TRIB2: variants seen among roughly 807,000 people sequenced by gnomAD.
TRIB2 encodes tribbles pseudokinase 2.
A neutral mutation model predicts 26.8 loss-of-function variants in TRIB2; 2 were observed. That is an observed-to-expected ratio of 0.07 (90% CI 0.03 to 0.24). TRIB2 has a LOEUF of 0.24. Ranked by LOEUF, TRIB2 falls within the 10% of genes least tolerant of loss-of-function variation. TRIB2 has a pLI of 1.00. For synonymous variants in TRIB2, 189 were observed against 187.3 expected (o/e 1.01, Z -0.08); for missense variants, 306 against 449.0 (o/e 0.68, Z 2.88).
chr2:12,729,413 G>A (rs1432528894), intron 2 of TRIB2, among the ~76,000 whole-genome samples: 1 of 152,218 alleles, frequency 6.6e-6, no homozygotes, highest in Non-Finnish European at 1.5e-5. Context: ...GCAGGGGTAA[G>A]TAGAGTATTG....
At position 12,718,460 on chromosome 2, in the gene TRIB2, T is replaced by C; in HGVS notation, c.153T>C (p.Thr51=). Residue 51 remains threonine (T), a synonymous_variant, in exon 1 of 3, where the codon ACT becomes ACC. Coordinates refer to ENST00000155926, the MANE Select transcript of TRIB2 (RefSeq NM_021643.4). The surrounding 1 kb of genome is among the most constrained non-coding windows in gnomAD (Gnocchi z 4.0). ...TCGGCTCCCCGAGCCCGCCCGAGAC[T>C]CCGAACTTGTCGCATTGCGTTTCTT... ...PNLGSPSPPE[T]PNLSHCVSCI... 1.2e-6 allele frequency: 2 copies of C among 1,614,204 alleles called. No homozygotes were observed. The highest frequency in any genetic ancestry group is 8.5e-7 in the Non-Finnish European group (1 of 1,180,024).
rs1661623587 is a variant in TRIB2 at position 12,738,128 on chromosome 2, T to G, written c.564-2198T>G. 2.6e-5 allele frequency among the ~76,000 whole-genome samples: 4 copies of G among 152,320 alleles called. No individual in the cohort carries two copies. In the South Asian group the frequency reaches 8.3e-4, roughly 32 times the overall value. On this transcript the variant is annotated intron_variant, in intron 2 of 2. Coordinates refer to ENST00000155926, the MANE Select transcript of TRIB2 (RefSeq NM_021643.4). The stretch of plus-strand genomic sequence containing the variant: ...GTCAACCCAGGATTTCACTAAACCT[T>G]TTGCTGTAGAGAACTCCCAGCAGCA...
chr2:12,719,362 A>T (rs1421033043), intron 1 of TRIB2, among the ~76,000 whole-genome samples: 1 of 152,008 alleles, frequency 6.6e-6, no homozygotes, highest in Non-Finnish European at 1.5e-5. Context: ...TGCGATGGAC[A>T]CTTCGGTTTC....
At position 12,740,292 on chromosome 2, in the gene TRIB2, C is replaced by A. The variant is rs772434910; in HGVS notation, c.564-34C>A. 7 of 1,598,320 alleles carry A rather than the reference C, an allele frequency of 4.4e-6. No homozygotes were observed. The Admixed American group carries it at 5.1e-5, about 12-fold the overall frequency. ...CTGGTGGTAACGTGTCTCTGAGCAC[C>A]CTCAGGAGCTTATGTTTTCCTCCTT... On this transcript the variant is annotated intron_variant, in intron 2 of 2. Coordinates refer to ENST00000155926, the MANE Select transcript of TRIB2 (RefSeq NM_021643.4). The surrounding 1 kb of genome is among the most constrained non-coding windows in gnomAD (Gnocchi z 5.8).
chr2:12,718,148 T>C lies in TRIB2; in HGVS notation c.-160T>C. 5 of 1,047,230 alleles carry C rather than the reference T, an allele frequency of 4.8e-6. No homozygotes were observed. The highest frequency in any genetic ancestry group is 6.7e-6 in the Non-Finnish European group (5 of 748,978). The allele number at this position is 1,047,230 out of a possible 1,614,324, so 64.9% of individuals were successfully genotyped here. A position where few individuals can be genotyped will look rare whatever the true frequency, so the allele number is the denominator to read the frequency against. On this transcript the variant is annotated 5_prime_UTR_variant, in exon 1 of 3. Transcript: ENST00000155926. The surrounding 1 kb of genome is among the most constrained non-coding windows in gnomAD (Gnocchi z 4.0). ...GACGAGGTATCCGGCGGCGCCCATT[T>C]GGGGGCTTCTAACTCTTTCTCCACG...
intron 2 of TRIB2, among the ~76,000 whole-genome samples, chr2:12,735,091 A>G (rs1432994127): frequency 6.6e-6 from 1 of 151,202 alleles, no homozygotes; most frequent in East Asian, 1.9e-4. Flanking sequence ...CGCCTGTCAG[A>G]CCTCCCTCCA....
At chr2:12,726,784 T>C (rs1386890195) in intron 2 of TRIB2, among the ~76,000 whole-genome samples, 1 of 152,230 alleles carries the variant, frequency 6.6e-6, no homozygotes, top group East Asian at 1.9e-4. Flanking sequence ...TCTTGAACTC[T>C]GGTGATCTGG....
chr2:12,723,215 C>G (rs760389021), intron 1 of TRIB2, 45 bp from the exon 2 acceptor site: 1 of 1,577,040 alleles, frequency 6.3e-7, no homozygotes, highest in Non-Finnish European at 8.6e-7. Context: ...TTTGGTTGTA[C>G]AAGAGGCACC....
intron 2 of TRIB2, among the ~76,000 whole-genome samples, chr2:12,733,204 T>C (rs1383723896): frequency 6.6e-6 from 1 of 152,216 alleles, no homozygotes; most frequent in Non-Finnish European, 1.5e-5. Flanking sequence ...ACATCTACTT[T>C]CTGTTACCTC....
rs1558313620 is a variant in TRIB2, at chr2:12,718,357, C to T, written c.50C>T (p.Ser17Leu). ...ATCACAATAGCGAGATATGGGAGAT[C>T]GCGGAACAAAACCCAGGATTTCGAA... is the stretch of plus-strand genomic sequence containing the variant. The part of the protein sequence containing the change: ...TPITIARYGR[S>L]RNKTQDFEEL... Residue 17 changes from serine to leucine, a missense_variant, in exon 1 of 3, where the codon TCG becomes TTG. By Grantham distance (145) the Ser-to-Leu change is moderately radical. Coordinates refer to ENST00000155926, the MANE Select transcript of TRIB2 (RefSeq NM_021643.4). This position sits in a 1 kb window ranked among gnomAD's most constrained non-coding sequence, Gnocchi z 4.0. 6.2e-7 allele frequency: 1 copy of T among 1,614,182 alleles called. No individual in the cohort carries two copies. The highest frequency in any genetic ancestry group is 2.2e-5 in the East Asian group (1 of 44,876).
chr2:12,717,437 G>A lies in TRIB2; in HGVS notation c.-871G>A. On this transcript the variant is annotated 5_prime_UTR_variant, in exon 1 of 3. Transcript: ENST00000155926. The surrounding 1 kb of genome is among the most constrained non-coding windows in gnomAD (Gnocchi z 4.8). The stretch of plus-strand genomic sequence containing the variant: ...CTGCATTCGGAGGAAGACCTGGGGC[G>A]CGAGCGAGCGGCGACAGCATGAGCC... 2.5e-6 allele frequency: 1 copy of A among 398,456 alleles called. No homozygotes were observed. Among genetic ancestry groups the A allele is most frequent in the Non-Finnish European group, 4.4e-6 (1 of 225,968 alleles). 24.7% of individuals were successfully genotyped at this position (398,456 alleles called of 1,614,324 possible). A position where few individuals can be genotyped will look rare whatever the true frequency, so the allele number is the denominator to read the frequency against.
rs1380899889 is a variant in TRIB2, at chr2:12,717,151, AAAG to A, written c.-1153_-1151del. The A allele has an allele frequency of 2.6e-6, 1 of 384,108 alleles. No homozygotes were observed. The highest frequency in any genetic ancestry group is 4.5e-5 in the Admixed American group (1 of 22,256). The allele number at this position is 384,108 out of a possible 1,614,324, so 23.8% of individuals were successfully genotyped here. On this transcript the variant is annotated 5_prime_UTR_variant, in exon 1 of 3. Transcript: ENST00000155926. The surrounding 1 kb of genome is among the most constrained non-coding windows in gnomAD (Gnocchi z 4.8). ...CTCTGGGGGGGGCAAGCAAGAAATCAAAGAAGGAGGAGACAAGCCGTCAATTTT... is the reference window on the plus strand; with the variant it reads ...CTCTGGGGGGGGCAAGCAAGAAATCAAAGGAGGAGACAAGCCGTCAATTTT...
At chr2:12,739,992 G>T (rs1359934580) in intron 2 of TRIB2, among the ~76,000 whole-genome samples, 1 of 152,164 alleles carries the variant, frequency 6.6e-6, no homozygotes, top group Non-Finnish European at 1.5e-5. Flanking sequence ...CTTTGAGAAA[G>T]CTAGTTAATC....
At chr2:12,729,674 C>CCCTTTCT (rs1400570021) in intron 2 of TRIB2, among the ~76,000 whole-genome samples, 1 of 152,130 alleles carries the variant, frequency 6.6e-6, no homozygotes, top group East Asian at 1.9e-4. Flanking sequence ...GGAGAGCTTC[C>CCCTTTCT]TCCAGGTTCC....
At chr2:12,734,586 GC>G in intron 2 of TRIB2, among the ~76,000 whole-genome samples, 1 of 152,050 alleles carries the variant, frequency 6.6e-6, no homozygotes, top group East Asian at 1.9e-4. Flanking sequence ...CATTATTGTT[GC>G]CCCCAGTTTT....
At position 12,740,595 on chromosome 2, in the gene TRIB2, C is replaced by T. The variant is rs1231128509; in HGVS notation, c.833C>T (p.Ser278Leu). 1.2e-6 allele frequency: 2 copies of T among 1,614,184 alleles called. No homozygotes were observed. The highest frequency in any genetic ancestry group is 1.7e-6 in the Non-Finnish European group (2 of 1,180,038). ...RGQFNIPETLSPKAKCLIRSI... is the reference protein window; with the variant it reads ...RGQFNIPETLLPKAKCLIRSI... ...CAGTTCAACATTCCAGAGACTCTGT[C>T]GCCCAAGGCCAAGTGCCTCATCCGA... The change falls in exon 3 of 3, where the codon TCG becomes TTG. Residue 278 changes from serine (S) to leucine (L), a missense_variant. Transcript: ENST00000155926. This position sits in a 1 kb window ranked among gnomAD's most constrained non-coding sequence, Gnocchi z 5.8.
intron 2 of TRIB2, among the ~76,000 whole-genome samples, chr2:12,734,698 T>C (rs1399934359): frequency 6.6e-6 from 1 of 152,218 alleles, no homozygotes; most frequent in African/African-American, 2.4e-5. Flanking sequence ...TTGTCATGTC[T>C]GTCTCCCCAG....
chr2:12,741,675 T>C lies in TRIB2; in HGVS notation c.*881T>C, dbSNP rs548297111. 6.6e-6 allele frequency: 1 copy of C among 152,534 alleles called. No homozygotes were observed. The highest frequency in any genetic ancestry group is 1.9e-4 in the East Asian group (1 of 5,184). The allele number at this position is 152,534 out of a possible 1,614,324, so 9.4% of individuals were successfully genotyped here. A position where few individuals can be genotyped will look rare whatever the true frequency, so the allele number is the denominator to read the frequency against. On this transcript the variant is annotated 3_prime_UTR_variant, in exon 3 of 3. Transcript: ENST00000155926. ...CTTTGCTGAGATGATAGCAATGGCC[T>C]GAGATTTTAGCAAGCTCCTGGAGTC...
At chr2:12,731,932 G>T (rs1661467648) in intron 2 of TRIB2, among the ~76,000 whole-genome samples, 1 of 152,244 alleles carries the variant, frequency 6.6e-6, no homozygotes, top group Non-Finnish European at 1.5e-5. Flanking sequence ...GCTTTGCGGA[G>T]AGGCCAATCC....
Sources: allele counts gnomAD v4.1 joint callset (sites outside exome capture counted in the v4.1 genomes callset), GRCh38; gene constraint gnomAD v4.1.1; non-coding constraint Gnocchi (gnomAD v3.1); transcripts MANE v1.5; gene names NCBI Gene and HGNC (gene_info 2026-07-23, HGNC 2026-07-21).